The following KPNA5 variants were observed in gnomAD, a reference collection of about 807,000 sequenced individuals.
KPNA5 encodes karyopherin subunit alpha 5, also known as importin subunit alpha-6.
A neutral mutation model predicts 71.3 loss-of-function variants in KPNA5; 46 were observed. That is an observed-to-expected ratio of 0.65 (90% confidence interval 0.51 to 0.83). The LOEUF (loss-of-function observed/expected upper bound fraction) is 0.83, where lower values mean the gene tolerates loss of function less well. Among genes scored for constraint, KPNA5 ranks in the 40% least tolerant of loss-of-function variants. The pLI is 0.00. For missense variants in KPNA5, 547 were observed against 628.3 expected, an observed-to-expected ratio of 0.87 and a Z score of 1.38; for synonymous variants, 207 against 201.4, an observed-to-expected ratio of 1.03 and a Z score of -0.24.
chr6:116,715,839 CA>C (rs1488217765), intron 7 of KPNA5, among the ~76,000 whole-genome samples: 2 of 151,816 alleles, frequency 1.3e-5, no homozygotes, highest in African/African-American at 4.8e-5. Context: ...TCGCTTGACC[CA>C]GGGGGCAGAG....
intron 4 of KPNA5, among the ~76,000 whole-genome samples, chr6:116,697,503 A>G (rs2114397336): frequency 6.6e-6 from 1 of 152,220 alleles, no homozygotes; most frequent in South Asian, 2.1e-4. Context: ...ATTTGAGCTG[A>G]CTTAAAACTT....
intron 4 of KPNA5, among the ~76,000 whole-genome samples, chr6:116,697,390 T>C (rs1227759182): frequency 6.6e-6 from 1 of 152,050 alleles, no homozygotes. Context: ...TTCTAAATTT[T>C]GTCCAAGTTA....
chr6:116,707,500 G>A (rs1378427428), intron 7 of KPNA5, among the ~76,000 whole-genome samples: 1 of 152,062 alleles, frequency 6.6e-6, no homozygotes, highest in Non-Finnish European at 1.5e-5. Context: ...CTTGCTTCAC[G>A]TTTTTGTAAA....
Position 116,729,622 on chromosome 6 carries a change from C to T in KPNA5, c.1313C>T (p.Ser438Phe), listed in dbSNP as rs1268645900. 1.3e-5 allele frequency: 21 copies of T among 1,608,332 alleles called. No homozygotes were observed. Among genetic ancestry groups the T allele is most frequent in the Non-Finnish European group, 1.8e-5 (21 of 1,176,992 alleles). The change falls in exon 13 of 14, where the codon TCC becomes TTC. Residue 438 changes from serine (S) to phenylalanine (F), a missense_variant. Physicochemically the swap from Ser to Phe is radical, Grantham distance 155. Transcript: ENST00000368564. ...PLCDLLTVMD[S>F]KIVQVALNGL... ...TGTGATCTTTTGACTGTTATGGACT[C>T]CAAAATAGTCCAAGTGGCTTTAAAT... is the stretch of plus-strand genomic sequence containing the variant.
chr6:116,681,381 T>G, intron 1 of KPNA5, 43 bp downstream of exon 1: 1 of 1,542,454 alleles, frequency 6.5e-7, no homozygotes. Context: ...GAGCCTCGGT[T>G]TTGGTCCCTT....
In KPNA5 at chr6:116,681,276, C is replaced by G. The variant is rs1475805415; in HGVS notation, c.-59C>G. 5 of 1,607,732 alleles carry G rather than the reference C, an allele frequency of 3.1e-6. No homozygotes were observed. Among genetic ancestry groups the G allele is most frequent in the South Asian group, 2.2e-5 (2 of 90,784 alleles). On this transcript the variant is annotated 5_prime_UTR_variant, in exon 1 of 14. Coordinates refer to ENST00000368564, the MANE Select transcript of KPNA5 (RefSeq NM_001366306.2). ...GGCGGAGTGGCGGCCCTTCTGTTAC[C>G]CGCCACACACGTCGCCGCTGGGGAC...
Position 116,715,840 on chromosome 6 carries a change from A to G in KPNA5, c.657-379A>G, listed in dbSNP as rs540457433. 1.9e-3 allele frequency among the ~76,000 whole-genome samples: 287 copies of G among 152,024 alleles called. 2 individuals carry two copies. Among genetic ancestry groups the G allele is most frequent in the Non-Finnish European group, 1.3e-4 (9 of 67,960 alleles). ...CTGCGGCAGGAGAATCGCTTGACCC[A>G]GGGGGCAGAGGTTGCAGTGAGCCAA... On this transcript the variant is annotated intron_variant, in intron 7 of 13. Coordinates refer to ENST00000368564, the MANE Select transcript of KPNA5 (RefSeq NM_001366306.2).
At chr6:116,724,725 C>T (rs1779234173) in intron 10 of KPNA5, among the ~76,000 whole-genome samples, 2 of 152,158 alleles carry the variant, frequency 1.3e-5, no homozygotes, top group Admixed American at 1.3e-4. Context: ...CCTCCCGCCT[C>T]AGCCTTCCAA....
chr6:116,717,039 G>A (rs1466449161), intron 8 of KPNA5, among the ~76,000 whole-genome samples: 1 of 152,064 alleles, frequency 6.6e-6, no homozygotes, highest in East Asian at 1.9e-4. Flanking sequence ...TTTAATAAAA[G>A]TAGTAATTTT....
At chr6:116,707,301 TTTGA>T (rs1778483422) in intron 7 of KPNA5, among the ~76,000 whole-genome samples, 1 of 152,250 alleles carries the variant, frequency 6.6e-6, no homozygotes, top group Admixed American at 6.5e-5. Flanking sequence ...TTAGTATTCA[TTTGA>T]TTCTCAGTAA....
chr6:116,714,959 G>T (rs1425017638), intron 7 of KPNA5, among the ~76,000 whole-genome samples: 1 of 152,102 alleles, frequency 6.6e-6, no homozygotes, highest in Non-Finnish European at 1.5e-5. Flanking sequence ...CTGGGGAGGG[G>T]GTTGCGTAAG....
intron 1 of KPNA5, among the ~76,000 whole-genome samples, chr6:116,684,651 G>A (rs1411974498): frequency 6.6e-6 from 1 of 151,660 alleles, no homozygotes; most frequent in East Asian, 1.9e-4. Flanking sequence ...AAATATGATG[G>A]TCCCCAAGAT....
At chr6:116,729,835 G>A (rs939629617) in intron 13 of KPNA5, 94 bp downstream of exon 13, 10 of 755,196 alleles carry the variant, frequency 1.3e-5, no homozygotes, top group Admixed American at 6.2e-5. Context: ...TGTTGTAAAA[G>A]CAGTATGTAT....
At chr6:116,690,642 CAAA>C (rs1283337605) in intron 2 of KPNA5, among the ~76,000 whole-genome samples, 5 of 62,182 alleles carry the variant, frequency 8.0e-5, no homozygotes, top group Admixed American at 5.4e-4. Context: ...GACTCCATCT[CAAA>C]AAAAAAAAAA....
chr6:116,710,807 AT>A (rs373012379), intron 7 of KPNA5, among the ~76,000 whole-genome samples: 5,902 of 140,806 alleles, frequency 0.042, 171 homozygotes, highest in African/African-American at 0.081. Context: ...TTCTCATATA[AT>A]TTTTTTTTGT....
At position 116,736,926 on chromosome 6, in the gene KPNA5, T is replaced by A. The variant is rs754187036; in HGVS notation, c.*4603T>A. 5.9e-5 allele frequency: 9 copies of A among 152,000 alleles called. No homozygotes were observed. Among genetic ancestry groups the A allele is most frequent in the Admixed American group, 2.6e-4 (4 of 15,194 alleles). The allele number at this position is 152,000 out of a possible 1,614,324, so 9.4% of individuals were successfully genotyped here. ...TCTGTTTTATATCTTCCATTTTTTT[T>A]ATCATACTCAAGCTTTCCTCTGCTG... On this transcript the variant is annotated 3_prime_UTR_variant, in exon 14 of 14. Transcript: ENST00000368564.
intron 5 of KPNA5, among the ~76,000 whole-genome samples, chr6:116,700,931 G>T (rs1382050006): frequency 1.3e-5 from 2 of 152,064 alleles, no homozygotes; most frequent in Non-Finnish European, 2.9e-5. Flanking sequence ...CTCGTTTTAT[G>T]TTTAATTGGT....
intron 5 of KPNA5, among the ~76,000 whole-genome samples, chr6:116,699,187 T>C (rs1778140635): frequency 1.3e-5 from 2 of 152,084 alleles, no homozygotes; most frequent in Non-Finnish European, 2.9e-5. Context: ...AGTTCTTTTT[T>C]TCAAAACAGA....
rs1159495271 is a variant in KPNA5 at position 116,716,278 on chromosome 6, A to C, written c.716A>C (p.Asn239Thr). Residue 239 changes from asparagine (N) to threonine (T), a missense_variant, in exon 8 of 14, where the codon AAT (asparagine) becomes ACT (threonine). Asn to Thr is a moderately conservative substitution (Grantham distance 65). Coordinates refer to ENST00000368564, the MANE Select transcript of KPNA5 (RefSeq NM_001366306.2). The part of the protein sequence containing the change: ...TTRNAVWALS[N>T]LCRGKNPPPN... ...AGAAATGCCGTGTGGGCCCTCTCAA[A>C]TTTATGTAGAGGCAAAAACCCTCCT... is the stretch of plus-strand genomic sequence containing the variant. 1.2e-6 allele frequency: 2 copies of C among 1,613,562 alleles called. No homozygotes were observed. The highest frequency in any genetic ancestry group is 1.7e-6 in the Non-Finnish European group (2 of 1,179,752).
Sources: gnomAD v4.1 joint callset for allele counts (sites outside exome capture counted in the v4.1 genomes callset) on GRCh38, gnomAD v4.1.1 for gene constraint, MANE v1.5 for transcripts, NCBI Gene and HGNC (gene_info 2026-07-23, HGNC 2026-07-21) for gene names.